The following ARCN1 variants were observed in gnomAD, a reference collection of about 807,000 sequenced individuals.
The protein encoded by ARCN1 is coatomer subunit delta.
A neutral mutation model predicts 60.4 loss-of-function variants in ARCN1; 5 were observed. The observed-to-expected ratio is 0.08, with a 90% confidence interval of 0.04 to 0.17. The LOEUF (loss-of-function observed/expected upper bound fraction) is 0.17, where lower values mean the gene tolerates loss of function less well. Ranked by LOEUF, ARCN1 falls within the 10% of genes least tolerant of loss-of-function variation. ARCN1 has a pLI of 1.00. For synonymous variants in ARCN1, 224 were observed against 220.0 expected (o/e 1.02, Z -0.16); for missense variants, 464 against 626.5 (o/e 0.74, Z 2.77).
rs550701325 is a variant in ARCN1 at position 118,589,187 on chromosome 11, G to A, written c.819-1154G>A. Among the ~76,000 whole-genome samples, 155 of 151,964 alleles carry A rather than the reference G, an allele frequency of 1.0e-3. 1 individual carries two copies. The highest frequency in any genetic ancestry group is 3.7e-3 in the African/African-American group (153 of 41,452). On this transcript the variant is annotated intron_variant, in intron 5 of 9. Transcript: ENST00000264028. ...ATATAATCTGCTTCTTAATGGTTCA[G>A]GGAAAAAAAATCAAATGTATAACAT...
intron 1 of ARCN1, among the ~76,000 whole-genome samples, chr11:118,579,763 TTAAA>T (rs1175491853): frequency 3.7e-4 from 57 of 152,242 alleles, no homozygotes; most frequent in African/African-American, 9.4e-4. Flanking sequence ...TGTATATGTT[TTAAA>T]TAAATAAAGT....
At position 118,592,872 on chromosome 11, in the gene ARCN1, C is replaced by T. The variant is rs917545313; in HGVS notation, c.1132+16C>T. On this transcript the variant is annotated intron_variant, in intron 7 of 9. Transcript: ENST00000264028. ...CCACTGACAAGTAAGTGCCTCTGGCCAGTCCCACTAAGCTAGTTTGCATTG... is the reference window on the plus strand; with the variant it reads ...CCACTGACAAGTAAGTGCCTCTGGCTAGTCCCACTAAGCTAGTTTGCATTG... 3.1e-6 allele frequency: 5 copies of T among 1,610,646 alleles called. No homozygotes were observed. Among genetic ancestry groups the T allele is most frequent in the Non-Finnish European group, 3.4e-6 (4 of 1,177,734 alleles).
intron 8 of ARCN1, among the ~76,000 whole-genome samples, chr11:118,594,674 C>T (rs797036310): frequency 1.1e-4 from 16 of 152,260 alleles, no homozygotes; most frequent in African/African-American, 2.9e-4. Flanking sequence ...CTCAGCCTCC[C>T]GAGTAACTGG....
chr11:118,593,791 C>T (rs1555076725), intron 8 of ARCN1, 93 bp downstream of exon 8: 1 of 683,600 alleles, frequency 1.5e-6, no homozygotes, highest in Non-Finnish European at 2.5e-6. Flanking sequence ...CCTGACTGTC[C>T]ATTCAAAGAT....
chr11:118,594,245 G>A (rs757786307), intron 8 of ARCN1, among the ~76,000 whole-genome samples: 5 of 151,108 alleles, frequency 3.3e-5, no homozygotes, highest in Non-Finnish European at 7.4e-5. Context: ...GACTACAGGC[G>A]CACACCACCA....
chr11:118,578,765 G>A (rs535235887), intron 1 of ARCN1, among the ~76,000 whole-genome samples: 7 of 151,832 alleles, frequency 4.6e-5, no homozygotes, highest in East Asian at 1.9e-4. Flanking sequence ...TGCCTTGGCC[G>A]GATGCTGTGG....
chr11:118,596,583 C>T (rs942630943), intron 8 of ARCN1, among the ~76,000 whole-genome samples: 2 of 152,160 alleles, frequency 1.3e-5, no homozygotes, highest in Non-Finnish European at 2.9e-5. Flanking sequence ...CTTATGCCAC[C>T]CTTAAAGTTT....
chr11:118,597,669 C>A, intron 8 of ARCN1, 38 bp from the exon 9 acceptor site: 1 of 1,607,080 alleles, frequency 6.2e-7, no homozygotes, highest in South Asian at 1.1e-5. Flanking sequence ...AGTTCTAGCT[C>A]TGAACAGCTA....
At chr11:118,588,393 C>T (rs1206184238) in intron 5 of ARCN1, among the ~76,000 whole-genome samples, 1 of 152,038 alleles carries the variant, frequency 6.6e-6, no homozygotes, top group Non-Finnish European at 1.5e-5. Context: ...CCTAAAGTGC[C>T]CCAACATTAT....
intron 8 of ARCN1, among the ~76,000 whole-genome samples, chr11:118,595,953 G>C (rs1555077068): frequency 6.6e-6 from 1 of 152,160 alleles, no homozygotes; most frequent in African/African-American, 2.4e-5. Flanking sequence ...TGTAGTTCCA[G>C]CTACTCCGGA....
In ARCN1 at chr11:118,602,719, A is replaced by C. The variant is rs374679105; in HGVS notation, c.*2005A>C. 6.0e-4 allele frequency: 93 copies of C among 153,882 alleles called. No individual in the cohort carries two copies. Among genetic ancestry groups the C allele is most frequent in the Non-Finnish European group, 8.2e-4 (56 of 68,040 alleles). 9.5% of individuals were successfully genotyped at this position (153,882 alleles called of 1,614,324 possible). On this transcript the variant is annotated 3_prime_UTR_variant, in exon 10 of 10. Coordinates refer to ENST00000264028, the MANE Select transcript of ARCN1 (RefSeq NM_001655.5). ...AGTTAAGCAGGCAAGAAATCCTACT[A>C]ATCCAGTTTTGTTTGAAAGTTGTTT...
At chr11:118,585,121 C>G (rs782602433) in intron 5 of ARCN1, among the ~76,000 whole-genome samples, 1 of 151,968 alleles carries the variant, frequency 6.6e-6, no homozygotes, top group Non-Finnish European at 1.5e-5. Context: ...CCACCACGCC[C>G]GGCTGTTGTT....
At chr11:118,574,296 G>A (rs1045375890) in intron 1 of ARCN1, among the ~76,000 whole-genome samples, 6 of 152,040 alleles carry the variant, frequency 3.9e-5, no homozygotes, top group Admixed American at 1.3e-4. Context: ...TAATGTTTTT[G>A]GGTCCTGCTC....
At chr11:118,583,470 C>T in intron 3 of ARCN1, 112 bp downstream of exon 3, 1 of 1,277,958 alleles carries the variant, frequency 7.8e-7, no homozygotes, top group Non-Finnish European at 1.0e-6. Context: ...AAACTATGTC[C>T]AGGCTAGGCA....
intron 2 of ARCN1, among the ~76,000 whole-genome samples, chr11:118,582,302 C>T (rs1938674673): frequency 6.6e-6 from 1 of 152,106 alleles, no homozygotes; most frequent in Non-Finnish European, 1.5e-5. Context: ...ATCGCCATGC[C>T]TGGCTAATTT....
At chr11:118,583,528 A>C (rs1938707455) in intron 3 of ARCN1, among the ~76,000 whole-genome samples, 170 bp downstream of exon 3, 1 of 152,126 alleles carries the variant, frequency 6.6e-6, no homozygotes, top group African/African-American at 2.4e-5. Context: ...CGGAAGTGGG[A>C]GTATCACTTG....
chr11:118,599,488 C>T (rs782053491), intron 9 of ARCN1, among the ~76,000 whole-genome samples: 5 of 149,610 alleles, frequency 3.3e-5, no homozygotes, highest in African/African-American at 4.9e-5. Context: ...GAGTGCAGTG[C>T]GATCTCAGCT....
chr11:118,578,874 C>CTT (rs56050047), intron 1 of ARCN1, among the ~76,000 whole-genome samples: 16 of 83,470 alleles, frequency 1.9e-4, no homozygotes, highest in African/African-American at 5.7e-4. Context: ...CCCCGTCTCT[C>CTT]TTTTTTTTTT....
At chr11:118,581,933 G>GACACACACACAC (rs1161304214) in intron 2 of ARCN1, among the ~76,000 whole-genome samples, 89 of 132,214 alleles carry the variant, frequency 6.7e-4, no homozygotes, top group African/African-American at 2.5e-3. Context: ...CAGACAGACA[G>GACACACACACAC]ACAGACACAC....
Sources: allele counts gnomAD v4.1 joint callset (sites outside exome capture counted in the v4.1 genomes callset), GRCh38; gene constraint gnomAD v4.1.1; transcripts MANE v1.5; gene names NCBI Gene and HGNC (gene_info 2026-07-23, HGNC 2026-07-21).